The following STK33 variants were observed in gnomAD, a reference collection of about 807,000 sequenced individuals.
STK33 encodes serine/threonine kinase 33, also known as serine/threonine-protein kinase 33.
In STK33, 52 loss-of-function variants were observed where a neutral mutation model predicts 58.0. The observed-to-expected ratio is 0.90, with a 90% CI of 0.72 to 1.13. The LOEUF is 1.13. Among genes scored for constraint, STK33 ranks in the 50% most tolerant of loss-of-function variants. The probability of loss-of-function intolerance (pLI) is 0.00; values close to 1 mark genes in which losing one functional copy is unlikely to be tolerated. For missense variants in STK33, 630 were observed against 604.2 expected (o/e 1.04, Z -0.45); for synonymous variants, 215 against 200.1 (o/e 1.07, Z -0.63).
At chr11:8,541,984 A>G (rs574431004) in intron 1 of STK33, among the ~76,000 whole-genome samples, 19 of 152,318 alleles carry the variant, frequency 1.2e-4, no homozygotes, top group African/African-American at 4.6e-4. Flanking sequence ...AACAGTCTCT[A>G]TAATAATGGA....
chr11:8,385,656 G>C, the STK33 span, among the ~76,000 whole-genome samples: 2 of 152,182 alleles, frequency 1.3e-5, no homozygotes, highest in African/African-American at 4.8e-5. Context: ...AGCTCCCTAT[G>C]TTGGGCAATG....
chr11:8,439,307 A>G (rs1327449846), intron 12 of STK33, among the ~76,000 whole-genome samples: 2 of 152,080 alleles, frequency 1.3e-5, no homozygotes, highest in East Asian at 3.9e-4. Context: ...AAACAGATAC[A>G]ATATATATAA....
chr11:8,427,878 T>C (rs1383250006), intron 14 of STK33, among the ~76,000 whole-genome samples: 1 of 152,242 alleles, frequency 6.6e-6, no homozygotes, highest in Non-Finnish European at 1.5e-5. Flanking sequence ...ATTCTAGGAC[T>C]GTGTATTCTA....
chr11:8,476,069 G>A (rs7940343), intron 4 of STK33, among the ~76,000 whole-genome samples: 1,849 of 152,188 alleles, frequency 0.012, 39 homozygotes, highest in African/African-American at 0.042. Flanking sequence ...AGGCTCATAC[G>A]ATTTTATAAA....
chr11:8,341,524 T>C, the STK33 span, among the ~76,000 whole-genome samples: 1 of 152,214 alleles, frequency 6.6e-6, no homozygotes, highest in African/African-American at 2.4e-5. Context: ...CTTTGCTTAA[T>C]AGGAAAGGAA....
At chr11:8,389,538 C>T (rs923001465), downstream of STK33, among the ~76,000 whole-genome samples, 12 of 152,180 alleles carry the variant, frequency 7.9e-5, no homozygotes, top group Non-Finnish European at 1.5e-4. Context: ...CCAAGCACAG[C>T]CATTATAGGA....
At chr11:8,397,375 A>T (rs188200864) in intron 15 of STK33, among the ~76,000 whole-genome samples, 1 of 152,332 alleles carries the variant, frequency 6.6e-6, no homozygotes, top group Admixed American at 6.5e-5. Context: ...CCTCCAGCAA[A>T]CTCCAACAGA....
chr11:8,578,236 C>A (rs552980214), intron 1 of STK33, among the ~76,000 whole-genome samples: 9 of 152,196 alleles, frequency 5.9e-5, no homozygotes, highest in Middle Eastern at 6.8e-3. Context: ...ACCATGCCGA[C>A]AGTAATCTCC....
chr11:8,547,389 T>C (rs1392069016), intron 1 of STK33, among the ~76,000 whole-genome samples: 1 of 152,072 alleles, frequency 6.6e-6, no homozygotes, highest in Non-Finnish European at 1.5e-5. Flanking sequence ...TAATTTTGTA[T>C]TTTTCCTAGA....
downstream of STK33, among the ~76,000 whole-genome samples, chr11:8,390,741 C>T (rs1349081595): frequency 6.6e-6 from 1 of 152,146 alleles, no homozygotes; most frequent in East Asian, 1.9e-4. Flanking sequence ...TGAAGACACA[C>T]TAACGTGTTA....
At chr11:8,588,766 T>C (rs961396277) in intron 1 of STK33, among the ~76,000 whole-genome samples, 1 of 152,108 alleles carries the variant, frequency 6.6e-6, no homozygotes, top group Non-Finnish European at 1.5e-5. Flanking sequence ...AAATCAAATA[T>C]CTGAGAATAG....
At position 8,526,111 on chromosome 11, in the gene STK33, T is replaced by TA. The variant is rs530002907; in HGVS notation, c.-465-45498dup. Among the ~76,000 whole-genome samples the TA allele has an allele frequency of 8.5e-4, 130 of 152,182 alleles. 1 individual carries two copies. Among genetic ancestry groups the TA allele is most frequent in the Middle Eastern group, 6.8e-3 (2 of 294 alleles). ...CGCATACACTACTACTTAAGAAAGTTATTTAGGCCAGGCATGGTGGCTCAC... is the reference window on the plus strand; with the variant it reads ...CGCATACACTACTACTTAAGAAAGTTAATTTAGGCCAGGCATGGTGGCTCAC... On this transcript the variant is annotated intron_variant, in intron 1 of 15. Transcript: ENST00000687296.
chr11:8,565,190 A>T (rs1175080065), intron 1 of STK33, among the ~76,000 whole-genome samples: 1 of 152,234 alleles, frequency 6.6e-6, no homozygotes, highest in African/African-American at 2.4e-5. Context: ...AAAGTACAGG[A>T]GATGGATTCG....
At chr11:8,350,953 G>A in the STK33 span, among the ~76,000 whole-genome samples, 9,613 of 152,174 alleles carry the variant, frequency 0.063, 330 homozygotes, top group Non-Finnish European at 0.073. Context: ...CTGGAACAAT[G>A]ACAGGGATAA....
At chr11:8,410,480 T>TTTC (rs1554905598) in intron 15 of STK33, among the ~76,000 whole-genome samples, 1 of 148,514 alleles carries the variant, frequency 6.7e-6, no homozygotes, top group African/African-American at 2.5e-5. Context: ...CTTTTTTTTT[T>TTTC]TTTTTTTTCT....
intron 8 of STK33, 44 bp downstream of exon 8, chr11:8,461,761 T>C (rs1245804972): frequency 1.1e-5 from 16 of 1,414,794 alleles, no homozygotes; most frequent in Non-Finnish European, 1.5e-5. Flanking sequence ...ATTCATTTTG[T>C]AATAATAACA....
At chr11:8,558,447 A>G (rs1956911776) in intron 1 of STK33, among the ~76,000 whole-genome samples, 2 of 152,068 alleles carry the variant, frequency 1.3e-5, no homozygotes, top group South Asian at 4.1e-4. Context: ...AAAAAATCAT[A>G]GCATTTTTGT....
At chr11:8,380,194 G>A in the STK33 span, among the ~76,000 whole-genome samples, 7 of 152,260 alleles carry the variant, frequency 4.6e-5, no homozygotes, top group East Asian at 1.4e-3. Flanking sequence ...GGGTCTTTGA[G>A]GAATCACCAC....
intron 11 of STK33, among the ~76,000 whole-genome samples, chr11:8,446,987 G>A (rs893265281): frequency 1.3e-5 from 2 of 152,124 alleles, no homozygotes; most frequent in African/African-American, 4.8e-5. Flanking sequence ...TTAAACTAAA[G>A]AGCTTCTGCA....
Sources: gnomAD v4.1 joint callset for allele counts (sites outside exome capture counted in the v4.1 genomes callset) on GRCh38, gnomAD v4.1.1 for gene constraint, MANE v1.5 for transcripts, NCBI Gene and HGNC (gene_info 2026-07-23, HGNC 2026-07-21) for gene names.